The following TMEM62 variants were observed in gnomAD, a reference collection of about 807,000 sequenced individuals.
TMEM62 encodes the protein transmembrane protein 62.
A neutral mutation model predicts 70.4 loss-of-function variants in TMEM62; 41 were observed. That is an observed-to-expected ratio of 0.58 (90% CI 0.45 to 0.76). The LOEUF (loss-of-function observed/expected upper bound fraction) is 0.76. Among genes scored for constraint, TMEM62 ranks in the 30% least tolerant of loss-of-function variants. The probability of loss-of-function intolerance (pLI) is 0.00; values close to 1 mark genes in which losing one functional copy is unlikely to be tolerated. For synonymous variants in TMEM62, 268 were observed against 291.0 expected (o/e 0.92, Z 0.80); for missense variants, 688 against 788.5 (o/e 0.87, Z 1.53).
chr15:43,175,316 A>T (rs544763596), intron 11 of TMEM62, among the ~76,000 whole-genome samples: 1 of 152,264 alleles, frequency 6.6e-6, no homozygotes, highest in Admixed American at 6.5e-5. Context: ...GAGCAAGGTT[A>T]TAAGTATAAA....
rs1234365768 is a variant in TMEM62 at position 43,181,164 on chromosome 15, TCCA to T, written c.1487-16_1487-14del. 6.7e-7 allele frequency: 1 copy of T among 1,489,106 alleles called. No homozygotes were observed. Among genetic ancestry groups the T allele is most frequent in the Non-Finnish European group, 9.4e-7 (1 of 1,066,680 alleles). The allele number at this position is 1,489,106 out of a possible 1,614,324, so 92.2% of individuals were successfully genotyped here. ...AGTTATTTAATCTCCTCCTTTTTTG[TCCA>T]TTGCCTCTTTTAGGTCCATGGTTTT... On this transcript the variant is annotated splice_polypyrimidine_tract_variant and intron_variant, in intron 12 of 13. Coordinates refer to ENST00000260403, the MANE Select transcript of TMEM62 (RefSeq NM_024956.4).
Position 43,138,730 on chromosome 15 carries a change from G to T in TMEM62, c.476+111G>T, listed in dbSNP as rs994413706. 1.2e-5 allele frequency: 11 copies of T among 921,142 alleles called. No individual in the cohort carries two copies. In the African/African-American group the frequency reaches 1.3e-4, roughly 11 times the overall value. 57.1% of individuals were successfully genotyped at this position (921,142 alleles called of 1,614,324 possible). ...TTAAAAAAACATTTTAAGAGGCAGG[G>T]GTCTCGCTATTTTGCCCAGGCTAGC... is the stretch of plus-strand genomic sequence containing the variant. On this transcript the variant is annotated intron_variant, in intron 4 of 13. Transcript: ENST00000260403.
intron 1 of TMEM62, 70 bp from the exon 2 acceptor site, chr15:43,134,187 G>C: frequency 6.5e-7 from 1 of 1,544,996 alleles, no homozygotes; most frequent in Non-Finnish European, 8.9e-7. Context: ...CGAGAGAGCC[G>C]CTGAGCCGCC....
chr15:43,177,150 A>G (rs1473173840), intron 11 of TMEM62, among the ~76,000 whole-genome samples: 1 of 152,100 alleles, frequency 6.6e-6, no homozygotes, highest in African/African-American at 2.4e-5. Flanking sequence ...AAGAATAAAA[A>G]GAAACGAGCA....
intron 11 of TMEM62, among the ~76,000 whole-genome samples, chr15:43,176,091 G>A (rs897001963): frequency 5.9e-5 from 9 of 152,354 alleles, no homozygotes; most frequent in South Asian, 2.1e-4. Flanking sequence ...CTAGCACAGC[G>A]GTCTGAGATC....
At chr15:43,149,534 C>T (rs951493853) in intron 7 of TMEM62, among the ~76,000 whole-genome samples, 27 of 149,228 alleles carry the variant, frequency 1.8e-4, no homozygotes, top group Non-Finnish European at 3.1e-4. Context: ...GACAGAGTCA[C>T]GTTCAGCTGC....
chr15:43,133,910 G>A lies in TMEM62; in HGVS notation c.108G>A (p.Pro36=). 1 of 1,496,162 alleles carries A rather than the reference G, an allele frequency of 6.7e-7. No homozygotes were observed. Among genetic ancestry groups the A allele is most frequent in the African/African-American group, 1.4e-5 (1 of 69,270 alleles). 92.7% of individuals were successfully genotyped at this position (1,496,162 alleles called of 1,614,324 possible). A position where few individuals can be genotyped will look rare whatever the true frequency, so the allele number is the denominator to read the frequency against. ...TGGCGGGCCAGCCCTCGCCGCTGCC[G>A]CGCCCCGCGCCCCCCAGGAGGCCGC... ...YGLAGQPSPL[P]RPAPPRRPHP... Residue 36 remains proline, a synonymous_variant, in exon 1 of 14, where the codon CCG becomes CCA. Transcript: ENST00000260403.
intron 3 of TMEM62, among the ~76,000 whole-genome samples, chr15:43,138,000 G>A (rs971695778): frequency 1.5e-4 from 23 of 152,214 alleles, no homozygotes; most frequent in African/African-American, 5.5e-4. Flanking sequence ...ATCCTGAAAA[G>A]GTACCACTGC....
intron 7 of TMEM62, among the ~76,000 whole-genome samples, chr15:43,150,540 C>T (rs1262952182): frequency 6.6e-6 from 1 of 152,154 alleles, no homozygotes; most frequent in African/African-American, 2.4e-5. Flanking sequence ...TTTTTAAAAA[C>T]AGTATATTGG....
At chr15:43,178,516 G>C (rs1381466857) in intron 11 of TMEM62, 91 bp from the exon 12 acceptor site, 1 of 744,478 alleles carries the variant, frequency 1.3e-6, no homozygotes, top group Non-Finnish European at 2.3e-6. Flanking sequence ...TGAATATATG[G>C]TAGATAGCCC....
intron 9 of TMEM62, among the ~76,000 whole-genome samples, chr15:43,158,870 T>TA (rs1204929077): frequency 6.6e-6 from 1 of 152,216 alleles, no homozygotes; most frequent in African/African-American, 2.4e-5. Flanking sequence ...ATTCAAAGTT[T>TA]AAAAAATATA....
intron 3 of TMEM62, among the ~76,000 whole-genome samples, chr15:43,137,875 C>A (rs1351770165): frequency 2.0e-5 from 3 of 152,226 alleles, no homozygotes; most frequent in Non-Finnish European, 2.9e-5. Context: ...ATCTGCAACG[C>A]CTCATAGGCT....
chr15:43,138,821 C>A (rs2035602542), intron 4 of TMEM62, among the ~76,000 whole-genome samples: 1 of 152,210 alleles, frequency 6.6e-6, no homozygotes, highest in African/African-American at 2.4e-5. Context: ...CAGGCACATG[C>A]TACTGTGCCT....
chr15:43,134,340 C>G lies in TMEM62; in HGVS notation c.264C>G (p.Ile88Met). 1 of 1,614,062 alleles carries G rather than the reference C, an allele frequency of 6.2e-7. No individual in the cohort carries two copies. The highest frequency in any genetic ancestry group is 8.5e-7 in the Non-Finnish European group (1 of 1,179,952). The change falls in exon 2 of 14, where the codon ATC (isoleucine) becomes ATG (methionine). Residue 88 changes from isoleucine (I) to methionine (M), a missense_variant. Transcript: ENST00000260403. ...AATTCTGTTCTGAAACTATTGACAT[C>G]ATTCAACCAGCTCTCGTCCTAGCAA... ...LEKFCSETID[I>M]IQPALVLATG...
chr15:43,135,739 A>T, intron 3 of TMEM62, 90 bp downstream of exon 3: 1 of 1,432,974 alleles, frequency 7.0e-7, no homozygotes, highest in Non-Finnish European at 9.2e-7. Context: ...TAAAATTATA[A>T]AGTGGGACAT....
At chr15:43,149,286 A>G (rs2037072202) in intron 7 of TMEM62, 135 bp downstream of exon 7, 6 of 905,834 alleles carry the variant, frequency 6.6e-6, no homozygotes, top group Admixed American at 6.0e-5. Flanking sequence ...AAAGTAATAT[A>G]TGTCTCTGAA....
rs1343905313 is a variant in TMEM62, at chr15:43,141,352, C to A, written c.476+2733C>A. On this transcript the variant is annotated intron_variant, in intron 4 of 13. Transcript: ENST00000260403. ...GCTTAAGCGTTATGCTAAATCTACT[C>A]TGCCTGTGTTCTATATATGGAACAA... 2.6e-5 allele frequency among the ~76,000 whole-genome samples: 4 copies of A among 152,220 alleles called. No homozygotes were observed. The East Asian group carries it at 7.7e-4, about 29-fold the overall frequency.
intron 11 of TMEM62, among the ~76,000 whole-genome samples, chr15:43,177,649 C>T (rs1346383074): frequency 2.0e-5 from 3 of 152,100 alleles, no homozygotes; most frequent in African/African-American, 4.8e-5. Context: ...GGCACATATA[C>T]ACCATGGAAT....
In TMEM62 at chr15:43,133,922, C is replaced by A; in HGVS notation, c.120C>A (p.Pro40=). ...GQPSPLPRPA[P]PRRPHPAPGP... ...CCTCGCCGCTGCCGCGCCCCGCGCC[C>A]CCCAGGAGGCCGCACCCTGCGCCAG... Residue 40 remains proline, a synonymous_variant, in exon 1 of 14, where the codon CCC becomes CCA. Coordinates refer to ENST00000260403, the MANE Select transcript of TMEM62 (RefSeq NM_024956.4). The A allele has an allele frequency of 1.3e-6, 2 of 1,492,070 alleles. No individual in the cohort carries two copies. 92.4% of individuals were successfully genotyped at this position (1,492,070 alleles called of 1,614,324 possible). A position where few individuals can be genotyped will look rare whatever the true frequency, so the allele number is the denominator to read the frequency against.
Sources: allele counts gnomAD v4.1 joint callset (sites outside exome capture counted in the v4.1 genomes callset), GRCh38; gene constraint gnomAD v4.1.1; transcripts MANE v1.5; gene names NCBI Gene and HGNC (gene_info 2026-07-23, HGNC 2026-07-21).